Variants in VAV3 observed in about 807,000 individuals in gnomAD.
VAV3 encodes the protein guanine nucleotide exchange factor VAV3.
Under a neutral mutation model 131.2 loss-of-function variants are expected in VAV3, and 94 were observed. That is an observed-to-expected ratio of 0.72 (90% confidence interval 0.61 to 0.85). The LOEUF is 0.85. Ranked by LOEUF, VAV3 falls within the 40% of genes least tolerant of loss-of-function variation. The pLI, the probability that VAV3 is intolerant of heterozygous loss-of-function variation, is 0.00. For missense variants in VAV3, 939 were observed against 1,002.7 expected, an observed-to-expected ratio of 0.94 and a Z score of 0.86; for synonymous variants, 349 against 342.0, an observed-to-expected ratio of 1.02 and a Z score of -0.22.
chr1:107,729,602 G>C (rs11803674), intron 15 of VAV3, among the ~76,000 whole-genome samples: 12,828 of 152,190 alleles, frequency 0.084, 703 homozygotes, highest in Admixed American at 0.17. Context: ...TGAGCTGTGT[G>C]GTTCAGGCAA....
intron 21 of VAV3, among the ~76,000 whole-genome samples, chr1:107,610,649 G>A (rs182935354): frequency 3.9e-5 from 6 of 152,096 alleles, no homozygotes; most frequent in African/African-American, 4.8e-5. Flanking sequence ...ATAGAGCTTC[G>A]CACAAGGAAA....
chr1:107,615,537 C>T (rs1027561963), intron 21 of VAV3, among the ~76,000 whole-genome samples: 1 of 151,916 alleles, frequency 6.6e-6, no homozygotes, highest in African/African-American at 2.4e-5. Context: ...ACATAGGACC[C>T]AGCAAAGATT....
chr1:107,655,620 C>T (rs1009144715), intron 19 of VAV3, among the ~76,000 whole-genome samples: 9 of 151,812 alleles, frequency 5.9e-5, no homozygotes, highest in East Asian at 5.8e-4. Context: ...AAATAGAACA[C>T]GATTACATTA....
At chr1:107,724,573 T>A (rs1661713025) in intron 15 of VAV3, among the ~76,000 whole-genome samples, 3 of 151,842 alleles carry the variant, frequency 2.0e-5, no homozygotes, top group Admixed American at 2.0e-4. Flanking sequence ...TTCCCAAAGG[T>A]GTAAGATATG....
chr1:107,768,657 A>C, intron 6 of VAV3, 148 bp from the exon 7 acceptor site: 1 of 546,094 alleles, frequency 1.8e-6, no homozygotes, highest in Non-Finnish European at 3.2e-6. Context: ...TATTTTCTCT[A>C]ACTTAAAGAC....
chr1:107,598,590 C>G (rs1187640168), intron 24 of VAV3, among the ~76,000 whole-genome samples: 2 of 151,868 alleles, frequency 1.3e-5, no homozygotes, highest in African/African-American at 4.8e-5. Context: ...GTAATCAGAC[C>G]GACCTTTAAA....
intron 20 of VAV3, among the ~76,000 whole-genome samples, chr1:107,636,933 ACTAGCAAAAG>A (rs1654973683): frequency 6.6e-6 from 1 of 152,178 alleles, no homozygotes; most frequent in Non-Finnish European, 1.5e-5. Flanking sequence ...ACCTTAACGA[ACTAGCAAAAG>A]AAGAGCAAAT....
At chr1:107,810,612 CT>C (rs887327545) in intron 2 of VAV3, among the ~76,000 whole-genome samples, 3 of 152,094 alleles carry the variant, frequency 2.0e-5, no homozygotes, top group African/African-American at 7.2e-5. Context: ...AAATCTGTCT[CT>C]TATGATTTGG....
intron 2 of VAV3, among the ~76,000 whole-genome samples, chr1:107,843,030 T>G (rs1356016006): frequency 1.3e-5 from 2 of 152,168 alleles, no homozygotes; most frequent in Non-Finnish European, 2.9e-5. Context: ...GAATGCTATT[T>G]GAATTCCTGG....
intron 26 of VAV3, among the ~76,000 whole-genome samples, 175 bp from the exon 27 acceptor site, chr1:107,573,547 GA>G (rs1422378346): frequency 6.6e-6 from 1 of 152,016 alleles, no homozygotes; most frequent in Non-Finnish European, 1.5e-5. Flanking sequence ...GTAAATGATC[GA>G]AATGGAGGAA....
chr1:107,642,804 G>T (rs1655449095), intron 19 of VAV3, 49 bp from the exon 20 acceptor site: 1 of 1,610,314 alleles, frequency 6.2e-7, no homozygotes, highest in Non-Finnish European at 8.5e-7. Context: ...AATGATGCAT[G>T]AAGTCTACAT....
intron 22 of VAV3, among the ~76,000 whole-genome samples, chr1:107,606,553 G>C (rs1161180214): frequency 6.6e-6 from 1 of 152,036 alleles, no homozygotes; most frequent in Non-Finnish European, 1.5e-5. Flanking sequence ...CTACTTGAAT[G>C]CTGTATCCCC....
intron 25 of VAV3, among the ~76,000 whole-genome samples, chr1:107,575,608 T>G (rs952621983): frequency 6.6e-6 from 1 of 152,326 alleles, no homozygotes; most frequent in African/African-American, 2.4e-5. Context: ...GGCACTACTG[T>G]TAGAGTCGGT....
chr1:107,671,371 C>T (rs1017152679), intron 19 of VAV3, among the ~76,000 whole-genome samples: 3 of 152,174 alleles, frequency 2.0e-5, no homozygotes, highest in Non-Finnish European at 4.4e-5. Flanking sequence ...TGCTTACAAC[C>T]GACTTCTCCA....
chr1:107,681,950 G>A (rs945150050), intron 19 of VAV3, among the ~76,000 whole-genome samples: 102 of 152,284 alleles, frequency 6.7e-4, no homozygotes, highest in Admixed American at 9.2e-4. Flanking sequence ...GTGAGCCACT[G>A]CACCCAGCCA....
chr1:107,667,958 C>T (rs1657527929), intron 19 of VAV3, among the ~76,000 whole-genome samples: 1 of 152,086 alleles, frequency 6.6e-6, no homozygotes, highest in Non-Finnish European at 1.5e-5. Context: ...CCCAACTGGG[C>T]CCTTCCGAGA....
rs746300008 is a variant in VAV3, at chr1:107,766,430, T to C, written c.821+17A>G. The C allele has an allele frequency of 1.1e-5, 18 of 1,570,184 alleles. No individual in the cohort carries two copies. In the South Asian group the frequency reaches 2.0e-4, roughly 18 times the overall value. On this transcript the variant is annotated intron_variant, in intron 8 of 26. Coordinates refer to ENST00000370056, the MANE Select transcript of VAV3 (RefSeq NM_006113.5). ...ATTACAAGCTAAGACCCACAAAACT[T>C]AAACTTCAAAAGTTACCTTTCCTTG...
intron 21 of VAV3, among the ~76,000 whole-genome samples, chr1:107,613,949 A>G (rs1040734596): frequency 6.6e-6 from 1 of 152,154 alleles, no homozygotes; most frequent in African/African-American, 2.4e-5. Flanking sequence ...CTACACTTCT[A>G]GCTTAGAATT....
chr1:107,732,260 T>A (rs1446716659), intron 15 of VAV3, among the ~76,000 whole-genome samples: 3 of 152,208 alleles, frequency 2.0e-5, no homozygotes, highest in Non-Finnish European at 4.4e-5. Context: ...GATGACCGAA[T>A]AGGAACAGCT....
Sources: allele counts gnomAD v4.1 joint callset (sites outside exome capture counted in the v4.1 genomes callset), GRCh38; gene constraint gnomAD v4.1.1; transcripts MANE v1.5; gene names NCBI Gene and HGNC (gene_info 2026-07-23, HGNC 2026-07-21).